Variants in TMEM196 observed in about 807,000 individuals in gnomAD.
TMEM196 encodes transmembrane protein 196.
A neutral mutation model predicts 20.0 loss-of-function variants in TMEM196; 17 were observed. The observed-to-expected ratio is 0.85, with a 90% CI of 0.58 to 1.27. The LOEUF is 1.27. Ranked by LOEUF, TMEM196 falls within the 50% of genes most tolerant of loss-of-function variation. The pLI is 0.00. For missense variants in TMEM196, 267 were observed against 223.0 expected (o/e 1.20, Z -1.26); for synonymous variants, 113 against 88.9 (o/e 1.27, Z -1.52).
chr7:19,759,554 C>T (rs1436753476), intron 1 of TMEM196, among the ~76,000 whole-genome samples: 2 of 152,112 alleles, frequency 1.3e-5, no homozygotes, highest in South Asian at 2.1e-4. Flanking sequence ...CAGCATCTCT[C>T]TATATTGATC....
intron 3 of TMEM196, 60 bp downstream of exon 3, chr7:19,725,454 C>G (rs1167315756): frequency 1.3e-6 from 2 of 1,533,562 alleles, no homozygotes; most frequent in African/African-American, 1.4e-5. Context: ...TTGATTCACC[C>G]AGAGTGGACT....
intron 2 of TMEM196, among the ~76,000 whole-genome samples, chr7:19,726,152 A>G (rs1005894915): frequency 6.6e-6 from 1 of 152,180 alleles, no homozygotes; most frequent in Non-Finnish European, 1.5e-5. Flanking sequence ...ATCTCAATTG[A>G]CACTCCCAGC....
At chr7:19,735,009 A>G (rs1253272131) in intron 1 of TMEM196, among the ~76,000 whole-genome samples, 2 of 152,206 alleles carry the variant, frequency 1.3e-5, no homozygotes, top group Non-Finnish European at 2.9e-5. Context: ...ATATCTGCCA[A>G]TACCCCAGGC....
chr7:19,759,744 C>T (rs1221896175), intron 1 of TMEM196, among the ~76,000 whole-genome samples: 1 of 152,108 alleles, frequency 6.6e-6, no homozygotes, highest in African/African-American at 2.4e-5. Flanking sequence ...TTTGCTTGAT[C>T]TCAAAATCTG....
At chr7:19,750,380 A>G (rs1464216313) in intron 1 of TMEM196, among the ~76,000 whole-genome samples, 1 of 152,234 alleles carries the variant, frequency 6.6e-6, no homozygotes, top group East Asian at 1.9e-4. Flanking sequence ...TGAAACTACA[A>G]TGCAAATGAA....
At chr7:19,733,778 G>C (rs185646296) in intron 1 of TMEM196, among the ~76,000 whole-genome samples, 8 of 152,122 alleles carry the variant, frequency 5.3e-5, no homozygotes, top group Non-Finnish European at 1.2e-4. Context: ...TCTCGCCCAA[G>C]ATCAACCCCA....
At chr7:19,735,926 C>G (rs1005227386) in intron 1 of TMEM196, among the ~76,000 whole-genome samples, 1 of 152,068 alleles carries the variant, frequency 6.6e-6, no homozygotes, top group Non-Finnish European at 1.5e-5. Flanking sequence ...GAATTTAATA[C>G]TTTGATAACC....
chr7:19,723,162 A>G (rs1783868826), intron 4 of TMEM196, among the ~76,000 whole-genome samples: 1 of 152,146 alleles, frequency 6.6e-6, no homozygotes, highest in African/African-American at 2.4e-5. Context: ...GAAAAATCTG[A>G]AAATATATTA....
chr7:19,768,938 G>A lies in TMEM196; in HGVS notation c.147+3612C>T, dbSNP rs1000736705. On this transcript the variant is annotated intron_variant, in intron 1 of 4. Coordinates refer to ENST00000405844, the MANE Select transcript of TMEM196 (RefSeq NM_001363562.2). ...CAGGTTTTTGTATTTCCATATTCGG[G>A]GCCAAAAAATCAAAATGCAGCAGTT... Among the ~76,000 whole-genome samples, 6 of 151,612 alleles carry A rather than the reference G, an allele frequency of 4.0e-5. No individual in the cohort carries two copies. In the South Asian group the frequency reaches 6.2e-4, roughly 16 times the overall value.
At chr7:19,765,145 C>G (rs994529449) in intron 1 of TMEM196, among the ~76,000 whole-genome samples, 4 of 152,116 alleles carry the variant, frequency 2.6e-5, no homozygotes, top group Non-Finnish European at 5.9e-5. Flanking sequence ...ATGGAAGCAT[C>G]TGGACATTAG....
chr7:19,724,457 A>G (rs1425322839), intron 3 of TMEM196, 104 bp from the exon 4 acceptor site: 2 of 985,676 alleles, frequency 2.0e-6, no homozygotes, highest in African/African-American at 1.6e-5. Context: ...CTATTCATAT[A>G]TACATATAAA....
At chr7:19,735,319 A>G (rs1282310526) in intron 1 of TMEM196, among the ~76,000 whole-genome samples, 3 of 152,216 alleles carry the variant, frequency 2.0e-5, no homozygotes, top group Non-Finnish European at 4.4e-5. Context: ...AAAGTCAACA[A>G]TAAGACTAAA....
chr7:19,770,961 G>T (rs1025830614), intron 1 of TMEM196, among the ~76,000 whole-genome samples: 1 of 151,892 alleles, frequency 6.6e-6, no homozygotes, highest in Admixed American at 6.6e-5. Context: ...TGGGGGCGGG[G>T]ATTGAGCTGT....
intron 1 of TMEM196, 103 bp from the exon 2 acceptor site, chr7:19,729,541 A>G: frequency 2.8e-6 from 3 of 1,070,518 alleles, no homozygotes; most frequent in South Asian, 3.1e-5. Context: ...GGAAGATAGA[A>G]CATTTTAAAT....
chr7:19,756,295 T>G (rs1785208198), intron 1 of TMEM196, among the ~76,000 whole-genome samples: 1 of 152,040 alleles, frequency 6.6e-6, no homozygotes, highest in Non-Finnish European at 1.5e-5. Flanking sequence ...ACATTTTACA[T>G]TCTTTTTTCC....
Position 19,771,514 on chromosome 7 carries a change from T to A in TMEM196, c.147+1036A>T, listed in dbSNP as rs555206709. Among the ~76,000 whole-genome samples the A allele has an allele frequency of 1.4e-4, 22 of 152,366 alleles. No homozygotes were observed. In the South Asian group the frequency reaches 4.6e-3, roughly 32 times the overall value. ...CTCCGTAATAATCATTTTCTTTTAG[T>A]GACTTAAAGCTCAAGTGATTAAGCC... On this transcript the variant is annotated intron_variant, in intron 1 of 4. Coordinates refer to ENST00000405844, the MANE Select transcript of TMEM196 (RefSeq NM_001363562.2).
At chr7:19,725,837 C>G in intron 2 of TMEM196, 69 bp from the exon 3 acceptor site, 1 of 1,491,380 alleles carries the variant, frequency 6.7e-7, no homozygotes, top group East Asian at 2.3e-5. Context: ...GTTGCCCTGT[C>G]CGGCTGCATG....
At chr7:19,726,550 C>T (rs1322201856) in intron 2 of TMEM196, among the ~76,000 whole-genome samples, 3 of 151,508 alleles carry the variant, frequency 2.0e-5, no homozygotes, top group Admixed American at 1.3e-4. Flanking sequence ...AAATACTGTT[C>T]GTTTGTTCGT....
intron 1 of TMEM196, among the ~76,000 whole-genome samples, chr7:19,761,965 A>G (rs1431624051): frequency 1.3e-5 from 2 of 152,138 alleles, no homozygotes; most frequent in Non-Finnish European, 2.9e-5. Flanking sequence ...TGCATTATGC[A>G]TTGTGTTCTG....
Sources: gnomAD v4.1 joint callset for allele counts (sites outside exome capture counted in the v4.1 genomes callset) on GRCh38, gnomAD v4.1.1 for gene constraint, MANE v1.5 for transcripts, NCBI Gene and HGNC (gene_info 2026-07-23, HGNC 2026-07-21) for gene names.